Variants in SSBP2 observed in about 807,000 individuals in gnomAD.
SSBP2 encodes single-stranded DNA-binding protein 2.
Under a neutral mutation model 61.8 loss-of-function variants are expected in SSBP2, and 17 were observed. The observed-to-expected ratio is 0.28, with a 90% confidence interval of 0.19 to 0.41. The LOEUF (loss-of-function observed/expected upper bound fraction) is 0.41. SSBP2 is among the 10% of genes least tolerant of loss of function. The pLI is 1.00. For synonymous variants in SSBP2, 139 were observed against 141.3 expected (o/e 0.98, Z 0.12); for missense variants, 310 against 458.7 (o/e 0.68, Z 2.96).
chr5:81,565,733 A>G (rs1773372544), intron 4 of SSBP2, among the ~76,000 whole-genome samples: 1 of 152,188 alleles, frequency 6.6e-6, no homozygotes, highest in Non-Finnish European at 1.5e-5. Flanking sequence ...TGCTTATTTC[A>G]GAGTAGATAC....
intron 4 of SSBP2, among the ~76,000 whole-genome samples, chr5:81,552,203 A>G (rs1380839353): frequency 6.6e-6 from 1 of 152,246 alleles, no homozygotes; most frequent in Non-Finnish European, 1.5e-5. Flanking sequence ...AGTATGTTTA[A>G]TGCTAGTTCT....
At position 81,419,188 on chromosome 5, in the gene SSBP2, G is replaced by C. The variant is rs955783016; in HGVS notation, c.*1316C>G. On this transcript the variant is annotated 3_prime_UTR_variant, in exon 17 of 17. Transcript: ENST00000320672. ...TTACTTATTCTTTTTTGAACAGTCA[G>C]TTACACAATGTAGTTTTAGCCTGCT... is the stretch of plus-strand genomic sequence containing the variant. The C allele has an allele frequency of 3.3e-5, 5 of 152,202 alleles. No homozygotes were observed. The highest frequency in any genetic ancestry group is 9.7e-5 in the African/African-American group (4 of 41,450). 9.4% of individuals were successfully genotyped at this position (152,202 alleles called of 1,614,324 possible).
At chr5:81,537,639 T>G (rs1770913685) in intron 4 of SSBP2, among the ~76,000 whole-genome samples, 1 of 152,196 alleles carries the variant, frequency 6.6e-6, no homozygotes, top group Non-Finnish European at 1.5e-5. Context: ...TCACATTTGG[T>G]AATTCTTGTA....
At chr5:81,644,604 C>T (rs186584159) in intron 2 of SSBP2, among the ~76,000 whole-genome samples, 1 of 152,156 alleles carries the variant, frequency 6.6e-6, no homozygotes, top group Non-Finnish European at 1.5e-5. Context: ...AATGCCTAAT[C>T]TTTTTGGCTA....
intron 1 of SSBP2, among the ~76,000 whole-genome samples, chr5:81,674,774 T>G (rs1751830890): frequency 6.6e-6 from 1 of 151,870 alleles, no homozygotes; most frequent in Non-Finnish European, 1.5e-5. Context: ...CAAAGTCATC[T>G]AAATAGAAAA....
chr5:81,467,149 T>C (rs1764947520), intron 8 of SSBP2, 84 bp from the exon 9 acceptor site: 2 of 827,848 alleles, frequency 2.4e-6, no homozygotes, highest in South Asian at 3.6e-5. Context: ...ATAACTCCAA[T>C]TGGATAAGGC....
Position 81,474,550 on chromosome 5 carries a change from C to T in SSBP2, c.445G>A (p.Val149Ile), listed in dbSNP as rs754941604. 5.0e-6 allele frequency: 8 copies of T among 1,610,668 alleles called. No individual in the cohort carries two copies. The Admixed American group carries it at 1.2e-4, about 24-fold the overall frequency. ...GGGAGTAATGGCTGACTTCCTGGGA[C>T]ACCTCCAAGTGCCTAGCAATTTATT... The change falls in exon 7 of 17, where the codon GTC becomes ATC. Residue 149 changes from valine (V) to isoleucine (I), a missense_variant. By Grantham distance (29) the Val-to-Ile change is conservative (BLOSUM62 3). Around this residue, in one of 4 missense-constraint regions of SSBP2, gnomAD observed 209 missense variants for 286.4 expected, o/e 0.73. Transcript: ENST00000320672.
chr5:81,643,664 G>A (rs1382798902), intron 2 of SSBP2, among the ~76,000 whole-genome samples: 2 of 136,024 alleles, frequency 1.5e-5, no homozygotes, highest in East Asian at 2.2e-4. Context: ...GTACAGTGGT[G>A]CGATCTGGGC....
chr5:81,446,746 C>T, intron 12 of SSBP2, 122 bp downstream of exon 12: 1 of 901,818 alleles, frequency 1.1e-6, no homozygotes, highest in South Asian at 1.8e-5. Context: ...ACCATGCTGC[C>T]TCTACTCCTT....
At chr5:81,503,916 T>G (rs1278167152) in intron 5 of SSBP2, among the ~76,000 whole-genome samples, 1 of 152,036 alleles carries the variant, frequency 6.6e-6, no homozygotes, top group African/African-American at 2.4e-5. Context: ...TTCTCCCTTA[T>G]AAATGGGAGC....
chr5:81,552,356 G>A (rs1397777023), intron 4 of SSBP2, among the ~76,000 whole-genome samples: 4 of 152,136 alleles, frequency 2.6e-5, no homozygotes, highest in Non-Finnish European at 4.4e-5. Flanking sequence ...ACAAAGTAAA[G>A]GCCGGGCACG....
At chr5:81,432,417 A>G (rs1279566666) in intron 15 of SSBP2, among the ~76,000 whole-genome samples, 2 of 152,186 alleles carry the variant, frequency 1.3e-5, no homozygotes, top group Admixed American at 1.3e-4. Flanking sequence ...ATATGTTAAT[A>G]CGAACTGCAG....
At chr5:81,468,346 T>C (rs897863596) in intron 8 of SSBP2, among the ~76,000 whole-genome samples, 6 of 151,980 alleles carry the variant, frequency 3.9e-5, no homozygotes, top group African/African-American at 1.4e-4. Flanking sequence ...CTTAATTGTT[T>C]CTCTGATTTA....
At chr5:81,507,746 G>A (rs1360913732) in intron 5 of SSBP2, among the ~76,000 whole-genome samples, 1 of 151,978 alleles carries the variant, frequency 6.6e-6, no homozygotes, top group African/African-American at 2.4e-5. Flanking sequence ...AATAAGAAAC[G>A]TCCATTGCAT....
At chr5:81,573,753 A>C (rs554961093) in intron 4 of SSBP2, among the ~76,000 whole-genome samples, 2 of 152,326 alleles carry the variant, frequency 1.3e-5, no homozygotes, top group South Asian at 2.1e-4. Context: ...GAAAATAATA[A>C]TACTATACAT....
At chr5:81,561,876 T>C (rs2153416480) in intron 4 of SSBP2, among the ~76,000 whole-genome samples, 1 of 152,298 alleles carries the variant, frequency 6.6e-6, no homozygotes, top group South Asian at 2.1e-4. Context: ...AAGGCAGCCT[T>C]AAACATGATT....
chr5:81,479,300 GTTTT>G (rs528574686), intron 6 of SSBP2, among the ~76,000 whole-genome samples: 2 of 150,804 alleles, frequency 1.3e-5, no homozygotes, highest in African/African-American at 4.9e-5. Flanking sequence ...TCTTTTTTTT[GTTTT>G]TTTTGAGACG....
At position 81,414,302 on chromosome 5, in the gene SSBP2, C is replaced by CA. The variant is rs892361410; in HGVS notation, c.*6201dup. On this transcript the variant is annotated 3_prime_UTR_variant, in exon 17 of 17. Coordinates refer to ENST00000320672, the MANE Select transcript of SSBP2 (RefSeq NM_012446.5). Reference sequence around the variant, plus strand: ...ATTTAATTTTTAAAGATGAAGACAGCAAAAATATTCACATTAAAATATCTT... The same window carrying CA: ...ATTTAATTTTTAAAGATGAAGACAGCAAAAAATATTCACATTAAAATATCTT... The CA allele has an allele frequency of 6.6e-6, 1 of 152,042 alleles. No individual in the cohort carries two copies. The highest frequency in any genetic ancestry group is 2.4e-5 in the African/African-American group (1 of 41,396). 9.4% of individuals were successfully genotyped at this position (152,042 alleles called of 1,614,324 possible). A position where few individuals can be genotyped will look rare whatever the true frequency, so the allele number is the denominator to read the frequency against.
chr5:81,639,305 A>C (rs1263161867), intron 2 of SSBP2, among the ~76,000 whole-genome samples: 1 of 152,188 alleles, frequency 6.6e-6, no homozygotes, highest in Non-Finnish European at 1.5e-5. Context: ...AAAAATTTAA[A>C]ACAAGGTCAA....
Sources: gnomAD v4.1 joint callset for allele counts (sites outside exome capture counted in the v4.1 genomes callset) on GRCh38, gnomAD v4.1.1 for gene constraint, gnomAD v4.1.1 regional missense constraint, MANE v1.5 for transcripts, NCBI Gene and HGNC (gene_info 2026-07-23, HGNC 2026-07-21) for gene names.